EXT1: variants seen among roughly 807,000 people sequenced by gnomAD.
EXT1 encodes the protein exostosin glycosyltransferase 1.
A neutral mutation model predicts 82.5 loss-of-function variants in EXT1; 20 were observed. That is an observed-to-expected ratio of 0.24 (90% CI 0.17 to 0.35). The LOEUF is 0.35. Ranked by LOEUF, EXT1 falls within the 10% of genes least tolerant of loss-of-function variation. The pLI is 1.00. For missense variants in EXT1, 757 were observed against 936.5 expected (o/e 0.81, Z 2.50); for synonymous variants, 348 against 350.8 (o/e 0.99, Z 0.09).
Position 117,836,969 on chromosome 8 carries a change from T to G in EXT1, c.1056+139A>C, listed in dbSNP as rs2129790571. On this transcript the variant is annotated intron_variant, in intron 2 of 10. Coordinates refer to ENST00000378204, the MANE Select transcript of EXT1 (RefSeq NM_000127.3). ...CCTCACTTGTCAAAAATGTTTTAGA[T>G]TTTCTTGAAAATATTTTCAGATCCT... The G allele has an allele frequency of 4.4e-6, 3 of 682,682 alleles. No homozygotes were observed. In the East Asian group the frequency reaches 8.1e-5, roughly 19 times the overall value. 42.3% of individuals were successfully genotyped at this position (682,682 alleles called of 1,614,324 possible). A position where few individuals can be genotyped will look rare whatever the true frequency, so the allele number is the denominator to read the frequency against.
intron 1 of EXT1, among the ~76,000 whole-genome samples, chr8:117,975,899 G>C (rs144069365): frequency 3.4e-4 from 52 of 152,246 alleles, no homozygotes; most frequent in African/African-American, 1.3e-3. Flanking sequence ...AAGAAAGATT[G>C]TGATAGTGTT....
intron 1 of EXT1, among the ~76,000 whole-genome samples, chr8:117,945,785 G>A (rs1374507779): frequency 6.6e-6 from 1 of 152,184 alleles, no homozygotes; most frequent in African/African-American, 2.4e-5. Context: ...TTAGGTGTGA[G>A]CCACCACGCC....
At chr8:117,878,252 C>T (rs1288418338) in intron 1 of EXT1, among the ~76,000 whole-genome samples, 1 of 152,074 alleles carries the variant, frequency 6.6e-6, no homozygotes, top group Non-Finnish European at 1.5e-5. Flanking sequence ...CTAGCTTGGG[C>T]GACAGAGTGT....
intron 1 of EXT1, among the ~76,000 whole-genome samples, chr8:117,992,234 G>A (rs2129790546): frequency 6.6e-6 from 1 of 151,996 alleles, no homozygotes; most frequent in Non-Finnish European, 1.5e-5. Flanking sequence ...AGGTCTCTTA[G>A]GAAGAAAAGT....
At chr8:117,928,839 A>G (rs17453232) in intron 1 of EXT1, among the ~76,000 whole-genome samples, 8,870 of 152,212 alleles carry the variant, frequency 0.058, 403 homozygotes, top group Non-Finnish European at 0.091. Context: ...TAAAATTAAA[A>G]TCATTTCCTT....
chr8:117,848,940 T>C (rs1812410220), intron 1 of EXT1, among the ~76,000 whole-genome samples: 1 of 152,080 alleles, frequency 6.6e-6, no homozygotes, highest in Admixed American at 6.6e-5. Flanking sequence ...AGAATAATAA[T>C]CATGCCCTAC....
At chr8:118,062,743 G>T (rs1816902921) in intron 1 of EXT1, among the ~76,000 whole-genome samples, 1 of 152,180 alleles carries the variant, frequency 6.6e-6, no homozygotes, top group African/African-American at 2.4e-5. Flanking sequence ...TTTTAAACAG[G>T]AAACTGGCCT....
At chr8:118,005,810 C>T (rs1187496466) in intron 1 of EXT1, among the ~76,000 whole-genome samples, 1 of 152,100 alleles carries the variant, frequency 6.6e-6, no homozygotes, top group African/African-American at 2.4e-5. Flanking sequence ...AATAACACAC[C>T]CTATGTATGC....
At chr8:118,062,365 C>T (rs764060352) in intron 1 of EXT1, among the ~76,000 whole-genome samples, 3 of 152,204 alleles carry the variant, frequency 2.0e-5, no homozygotes, top group Non-Finnish European at 2.9e-5. Context: ...GGCTTGCAGA[C>T]ACAGACTTCC....
rs530827918 is a variant in EXT1 at position 118,098,523 on chromosome 8, G to A, written c.962+11562C>T. 2.3e-3 allele frequency among the ~76,000 whole-genome samples: 350 copies of A among 152,142 alleles called. 1 individual carries two copies. The highest frequency in any genetic ancestry group is 4.3e-3 in the Non-Finnish European group (291 of 67,994). On this transcript the variant is annotated intron_variant, in intron 1 of 10. Transcript: ENST00000378204. Reference sequence around the variant, plus strand: ...TGTAATCCCAGCACTTTGGGAGGCCGAGGCGGACAGATCACGAGGTCAGGA... The same window carrying A: ...TGTAATCCCAGCACTTTGGGAGGCCAAGGCGGACAGATCACGAGGTCAGGA...
intron 1 of EXT1, among the ~76,000 whole-genome samples, chr8:118,053,366 T>A (rs1159628963): frequency 1.3e-5 from 2 of 152,198 alleles, no homozygotes; most frequent in African/African-American, 4.8e-5. Context: ...ATCCACTTCA[T>A]GCCCTTGATA....
intron 1 of EXT1, among the ~76,000 whole-genome samples, chr8:118,086,288 T>G (rs10955854): frequency 0.19 from 29,515 of 152,178 alleles, 3,072 homozygotes; most frequent in Admixed American, 0.26. Flanking sequence ...TTTATGGACT[T>G]GGGAGCCTCT....
chr8:117,919,995 G>T (rs921693560), intron 1 of EXT1, among the ~76,000 whole-genome samples: 3 of 152,116 alleles, frequency 2.0e-5, no homozygotes, highest in Non-Finnish European at 2.9e-5. Flanking sequence ...GCAAGAGCAC[G>T]CCACATCATG....
chr8:117,995,479 C>T (rs1815518503), intron 1 of EXT1, among the ~76,000 whole-genome samples: 1 of 152,058 alleles, frequency 6.6e-6, no homozygotes, highest in Admixed American at 6.6e-5. Context: ...ATATGCATGG[C>T]GTGGGTGGGG....
chr8:118,019,246 TGAAA>T lies in EXT1; in HGVS notation c.962+90835_962+90838del, dbSNP rs58914414. 9.8e-3 allele frequency among the ~76,000 whole-genome samples: 1,424 copies of T among 145,724 alleles called. 23 individuals are homozygous for T. Among genetic ancestry groups the T allele is most frequent in the African/African-American group, 0.029 (1,130 of 39,428 alleles). On this transcript the variant is annotated intron_variant, in intron 1 of 10. Coordinates refer to ENST00000378204, the MANE Select transcript of EXT1 (RefSeq NM_000127.3). ...AAGCAGTAAGACATAGCAGTACGATTGAAAGAAAGAAAGAAAGAAAGAAAGAAAG... is the reference window on the plus strand; with the variant it reads ...AAGCAGTAAGACATAGCAGTACGATTGAAAGAAAGAAAGAAAGAAAGAAAG...
intron 1 of EXT1, among the ~76,000 whole-genome samples, chr8:118,049,303 T>C (rs1816680160): frequency 6.6e-6 from 1 of 152,252 alleles, no homozygotes; most frequent in Non-Finnish European, 1.5e-5. Context: ...CCAGTTTACT[T>C]AGCTGTGCTA....
At chr8:118,030,568 A>G (rs1816292828) in intron 1 of EXT1, among the ~76,000 whole-genome samples, 1 of 152,004 alleles carries the variant, frequency 6.6e-6, no homozygotes, top group South Asian at 2.1e-4. Flanking sequence ...TGCAACCACC[A>G]CCTCCTGGGT....
At chr8:117,858,805 C>CAAGG (rs1812622394) in intron 1 of EXT1, among the ~76,000 whole-genome samples, 1 of 66,730 alleles carries the variant, frequency 1.5e-5, no homozygotes, top group Non-Finnish European at 2.7e-5. Flanking sequence ...CAAGGCAAGG[C>CAAGG]AAGGCAGGAA....
At chr8:117,976,982 C>T (rs1447285155) in intron 1 of EXT1, among the ~76,000 whole-genome samples, 1 of 152,088 alleles carries the variant, frequency 6.6e-6, no homozygotes, top group Admixed American at 6.6e-5. Flanking sequence ...ATGTTTGCTT[C>T]CTGGGGCACA....
Sources: gnomAD v4.1 joint callset for allele counts (sites outside exome capture counted in the v4.1 genomes callset) on GRCh38, gnomAD v4.1.1 for gene constraint, MANE v1.5 for transcripts, NCBI Gene and HGNC (gene_info 2026-07-23, HGNC 2026-07-21) for gene names.